The following TSHR variants were observed in gnomAD, a reference collection of about 807,000 sequenced individuals.
The protein encoded by TSHR is thyrotropin receptor.
TSHR carries 51 observed loss-of-function variants against 64.1 expected under a neutral mutation model. That is an observed-to-expected ratio of 0.80 (90% CI 0.64 to 1.01). The LOEUF is 1.01. TSHR is among the 50% of genes least tolerant of loss of function. TSHR has a pLI of 0.00. For missense variants in TSHR, 877 were observed against 942.8 expected (o/e 0.93, Z 0.91); for synonymous variants, 361 against 361.9 (o/e 1.00, Z 0.03).
intron 1 of TSHR, among the ~76,000 whole-genome samples, chr14:80,981,745 T>C (rs529281843): frequency 6.6e-6 from 1 of 152,250 alleles, no homozygotes; most frequent in South Asian, 2.1e-4. Flanking sequence ...GACCATCAGC[T>C]TCAGCAGGTC....
At chr14:81,116,218 T>C (rs1890501399) in intron 8 of TSHR, among the ~76,000 whole-genome samples, 1 of 147,910 alleles carries the variant, frequency 6.8e-6, no homozygotes, top group Non-Finnish European at 1.5e-5. Context: ...ATGCTCCAAT[T>C]AAAAGACACA....
At chr14:81,023,186 A>G (rs1883863951) in intron 1 of TSHR, among the ~76,000 whole-genome samples, 1 of 152,182 alleles carries the variant, frequency 6.6e-6, no homozygotes, top group Admixed American at 6.5e-5. Flanking sequence ...CTATAAATGG[A>G]AAGGAAAACT....
At chr14:81,101,893 C>A (rs563278599) in intron 7 of TSHR, among the ~76,000 whole-genome samples, 1 of 152,192 alleles carries the variant, frequency 6.6e-6, no homozygotes, top group East Asian at 1.9e-4. Flanking sequence ...CTAAGCAGGC[C>A]GGGTGTGGTG....
intron 1 of TSHR, among the ~76,000 whole-genome samples, chr14:81,027,239 T>C (rs1884111817): frequency 6.6e-6 from 1 of 152,110 alleles, no homozygotes; most frequent in African/African-American, 2.4e-5. Flanking sequence ...TTAGAAATTA[T>C]ATGTAAAACA....
intron 6 of TSHR, among the ~76,000 whole-genome samples, chr14:81,094,679 A>ATTTTTTTTCTTTTTTTTT (rs1889014923): frequency 1.3e-5 from 1 of 76,242 alleles, no homozygotes; most frequent in African/African-American, 6.6e-5. Flanking sequence ...TATTTTTTTA[A>ATTTTTTTTCTTTTTTTTT]TTTTTTTTTT....
chr14:80,982,582 T>C, intron 1 of TSHR: 1 of 990,002 alleles, frequency 1.0e-6, no homozygotes. Flanking sequence ...GATAGTTAGA[T>C]CTCAGCCTGT....
intron 1 of TSHR, 33 bp from the exon 2 acceptor site, chr14:81,062,115 A>G: frequency 1.3e-6 from 2 of 1,563,872 alleles, no homozygotes; most frequent in African/African-American, 2.7e-5. Flanking sequence ...CCCAATGATT[A>G]AAACTCTAAT....
intron 1 of TSHR, chr14:81,001,060 G>C (rs1889283983): frequency 6.5e-6 from 1 of 154,756 alleles, no homozygotes; most frequent in Non-Finnish European, 1.4e-5. Context: ...CCTTTGATGA[G>C]AACACAGAAC....
At chr14:81,069,150 T>C (rs1886875955) in intron 3 of TSHR, among the ~76,000 whole-genome samples, 1 of 152,130 alleles carries the variant, frequency 6.6e-6, no homozygotes, top group South Asian at 2.1e-4. Context: ...TTTGTTTGGT[T>C]ATTATTTACC....
chr14:81,093,020 T>A (rs1379485243), intron 6 of TSHR, among the ~76,000 whole-genome samples: 1 of 152,234 alleles, frequency 6.6e-6, no homozygotes, highest in East Asian at 1.9e-4. Context: ...CTGCAGGCCT[T>A]ATGGAATAAT....
intron 8 of TSHR, among the ~76,000 whole-genome samples, chr14:81,125,798 C>G (rs772573916): frequency 3.3e-5 from 5 of 152,068 alleles, no homozygotes; most frequent in Middle Eastern, 3.4e-3. Flanking sequence ...GCTTGGGCAC[C>G]AAGCCAGACC....
chr14:81,072,869 C>T (rs879339712), intron 3 of TSHR, among the ~76,000 whole-genome samples: 6 of 140,422 alleles, frequency 4.3e-5, no homozygotes, highest in Non-Finnish European at 9.1e-5. Context: ...TAGTGGCGGG[C>T]GCCTGTAGTC....
intron 1 of TSHR, chr14:80,959,372 A>T (rs542162805): frequency 6.6e-6 from 1 of 152,354 alleles, no homozygotes; most frequent in African/African-American, 2.4e-5. Flanking sequence ...TTGGCATATA[A>T]TTATAGATCA....
intron 1 of TSHR, among the ~76,000 whole-genome samples, chr14:81,057,230 G>A (rs1885877860): frequency 6.6e-6 from 1 of 152,132 alleles, no homozygotes; most frequent in Admixed American, 6.5e-5. Context: ...GGTCAACATG[G>A]TGAAACCCCG....
chr14:81,048,002 A>G lies in TSHR; in HGVS notation c.171-14146A>G, dbSNP rs186987069. On this transcript the variant is annotated intron_variant, in intron 1 of 9. Coordinates refer to ENST00000298171, the MANE Select transcript of TSHR (RefSeq NM_000369.5). ...TGAATGCCTGCTATGTTTATGGACA[A>G]CATTGTAGCTAAGACCCCATATATT... 4.0e-4 allele frequency among the ~76,000 whole-genome samples: 61 copies of G among 152,266 alleles called. 1 individual carries two copies. Among genetic ancestry groups the G allele is most frequent in the Middle Eastern group, 3.4e-3 (1 of 294 alleles).
At chr14:81,005,757 CG>C (rs1889568709) in intron 1 of TSHR, among the ~76,000 whole-genome samples, 1 of 152,074 alleles carries the variant, frequency 6.6e-6, no homozygotes, top group African/African-American at 2.4e-5. Flanking sequence ...TCGGGTATGA[CG>C]TCAGTAAGGA....
chr14:80,987,702 A>G (rs1888538814), intron 1 of TSHR, among the ~76,000 whole-genome samples: 1 of 152,092 alleles, frequency 6.6e-6, no homozygotes, highest in South Asian at 2.1e-4. Flanking sequence ...TGCCTCAGAT[A>G]CTAGTATCTT....
At chr14:81,106,726 G>T (rs1889917107) in intron 7 of TSHR, among the ~76,000 whole-genome samples, 1 of 151,936 alleles carries the variant, frequency 6.6e-6, no homozygotes, top group South Asian at 2.1e-4. Context: ...GGGCAGATCA[G>T]TTGAGGTCAG....
intron 7 of TSHR, chr14:81,104,762 C>A (rs771503919): frequency 3.0e-6 from 3 of 985,418 alleles, no homozygotes; most frequent in Non-Finnish European, 3.6e-6. Flanking sequence ...GAACTATTCA[C>A]AATCTTAAAT....
Sources: gnomAD v4.1 joint callset for allele counts (sites outside exome capture counted in the v4.1 genomes callset) on GRCh38, gnomAD v4.1.1 for gene constraint, MANE v1.5 for transcripts, NCBI Gene and HGNC (gene_info 2026-07-23, HGNC 2026-07-21) for gene names.